Variants in MSANTD2 observed in about 807,000 individuals in gnomAD.
MSANTD2 encodes the protein myb/SANT-like DNA-binding domain-containing protein 2.
Under a neutral mutation model 52.6 loss-of-function variants are expected in MSANTD2, and 19 were observed. The observed-to-expected ratio is 0.36, with a 90% CI of 0.25 to 0.53. The LOEUF (loss-of-function observed/expected upper bound fraction) is 0.53, where lower values mean the gene tolerates loss of function less well. MSANTD2 is among the 20% of genes least tolerant of loss of function. The probability of loss-of-function intolerance (pLI) is 0.91; values close to 1 mark genes in which losing one functional copy is unlikely to be tolerated. For synonymous variants in MSANTD2, 291 were observed against 289.7 expected, an observed-to-expected ratio of 1.00 and a Z score of -0.04; for missense variants, 558 against 716.3, an observed-to-expected ratio of 0.78 and a Z score of 2.52.
chr11:124,774,648 G>A lies in MSANTD2; in HGVS notation c.766+71C>T. On this transcript the variant is annotated intron_variant, in intron 2 of 3. Coordinates refer to ENST00000374979, the MANE Select transcript of MSANTD2 (RefSeq NM_001308027.2). The surrounding 1 kb of genome is among the most constrained non-coding windows in gnomAD (Gnocchi z 5.1). ...TACCAAAGATATTTACAGGTAATAA[G>A]TACTGGTGCACATACATAAAGGTAT... 3 of 1,453,884 alleles carry A rather than the reference G, an allele frequency of 2.1e-6. No individual in the cohort carries two copies. Among genetic ancestry groups the A allele is most frequent in the Non-Finnish European group, 2.8e-6 (3 of 1,052,788 alleles). The allele number at this position is 1,453,884 out of a possible 1,614,324, so 90.1% of individuals were successfully genotyped here. A position where few individuals can be genotyped will look rare whatever the true frequency, so the allele number is the denominator to read the frequency against.
rs953207189 is a variant in MSANTD2 at position 124,800,138 on chromosome 11, G to C, written c.243C>G (p.Ser81=). Residue 81 remains serine (S), a synonymous_variant, in exon 1 of 4, where the codon TCC becomes TCG. Coordinates refer to ENST00000374979, the MANE Select transcript of MSANTD2 (RefSeq NM_001308027.2). The surrounding 1 kb of genome is among the most constrained non-coding windows in gnomAD (Gnocchi z 4.3). The stretch of plus-strand genomic sequence containing the variant: ...CGCCACCGCCGCCACCAGGGGAGAA[G>C]GAGACCGAGGACGAGGCGGCGCTGC... ...GGRSAASSSV[S]FSPGGGGGGA... is the part of the protein sequence containing the mutation. 6 of 1,479,668 alleles carry C rather than the reference G, an allele frequency of 4.1e-6. No homozygotes were observed. The highest frequency in any genetic ancestry group is 5.3e-6 in the Non-Finnish European group (6 of 1,123,754). 91.7% of individuals were successfully genotyped at this position (1,479,668 alleles called of 1,614,324 possible).
rs577110322 is a variant in MSANTD2, at chr11:124,799,863, C to G, written c.510+8G>C. ...TGGTTCGCTGCCCCAGGCCGGGCGG[C>G]CGGTTACCTTGATGCGCTCCCGGCA... On this transcript the variant is annotated splice_region_variant and intron_variant, in intron 1 of 3. Coordinates refer to ENST00000374979, the MANE Select transcript of MSANTD2 (RefSeq NM_001308027.2). 95 of 1,571,466 alleles carry G rather than the reference C, an allele frequency of 6.0e-5. No individual in the cohort carries two copies. Among genetic ancestry groups the G allele is most frequent in the South Asian group, 2.7e-4 (24 of 88,522 alleles).
At position 124,793,194 on chromosome 11, in the gene MSANTD2, T is replaced by C. The variant is rs375824024; in HGVS notation, c.510+6677A>G. Among the ~76,000 whole-genome samples, 84 of 152,342 alleles carry C rather than the reference T, an allele frequency of 5.5e-4. 1 individual carries two copies. The South Asian group carries it at 0.017, about 31-fold the overall frequency. ...AAAACAATATAGGCCAGTGATACTG[T>C]TTCTTTTAAATGTAACTTGAATATT... On this transcript the variant is annotated intron_variant, in intron 1 of 3. Coordinates refer to ENST00000374979, the MANE Select transcript of MSANTD2 (RefSeq NM_001308027.2).
At chr11:124,773,990 C>T (rs544897895) in intron 2 of MSANTD2, among the ~76,000 whole-genome samples, 5 of 152,274 alleles carry the variant, frequency 3.3e-5, no homozygotes, top group South Asian at 2.1e-4. Flanking sequence ...GCATGTAATG[C>T]GCAAAGAAAC....
At chr11:124,786,683 A>C (rs1044999940) in intron 1 of MSANTD2, among the ~76,000 whole-genome samples, 2 of 152,168 alleles carry the variant, frequency 1.3e-5, no homozygotes, top group Admixed American at 6.5e-5. Context: ...GGACTTCCAA[A>C]TCTCCTTGTG....
chr11:124,784,356 C>A (rs1591463556), intron 1 of MSANTD2: 1 of 985,154 alleles, frequency 1.0e-6, no homozygotes, highest in Non-Finnish European at 1.2e-6. Context: ...ATATCTAAAA[C>A]ACATGCAAGA....
chr11:124,776,714 C>T (rs954794507), intron 1 of MSANTD2, among the ~76,000 whole-genome samples: 2 of 152,172 alleles, frequency 1.3e-5, no homozygotes, highest in African/African-American at 4.8e-5. Flanking sequence ...AATAAAAGCA[C>T]GACATGTGTG....
At chr11:124,790,082 C>A (rs1945283695) in intron 1 of MSANTD2, 1 of 152,222 alleles carries the variant, frequency 6.6e-6, no homozygotes, top group Admixed American at 6.5e-5. Flanking sequence ...CCATAGAAAA[C>A]AACTGCTGGT....
At chr11:124,798,409 G>A (rs3016271) in intron 1 of MSANTD2, among the ~76,000 whole-genome samples, 4 of 151,700 alleles carry the variant, frequency 2.6e-5, no homozygotes, top group African/African-American at 9.7e-5. Context: ...CCTTAATGAC[G>A]TTGAATAGAA....
chr11:124,769,629 A>G (rs1055995764), intron 3 of MSANTD2, among the ~76,000 whole-genome samples: 5 of 152,242 alleles, frequency 3.3e-5, no homozygotes, highest in African/African-American at 4.8e-5. Context: ...ATTATGCTCA[A>G]TGAAGTATCC....
intron 1 of MSANTD2, among the ~76,000 whole-genome samples, chr11:124,799,451 C>A (rs528457113): frequency 1.6e-4 from 24 of 152,152 alleles, no homozygotes; most frequent in African/African-American, 5.3e-4. Flanking sequence ...GGCTCAATGC[C>A]CCCCCCTTCT....
chr11:124,796,731 G>A (rs1270523063), intron 1 of MSANTD2, among the ~76,000 whole-genome samples: 1 of 151,682 alleles, frequency 6.6e-6, no homozygotes, highest in Non-Finnish European at 1.5e-5. Flanking sequence ...GTCTGCGTAA[G>A]AAGTTCCTCC....
chr11:124,781,813 C>T (rs554134660), intron 1 of MSANTD2, among the ~76,000 whole-genome samples: 8 of 152,006 alleles, frequency 5.3e-5, no homozygotes, highest in South Asian at 2.1e-4. Flanking sequence ...CCACCACGCT[C>T]GGCTAATTTT....
At chr11:124,796,591 G>A (rs1286956476) in intron 1 of MSANTD2, among the ~76,000 whole-genome samples, 1 of 152,136 alleles carries the variant, frequency 6.6e-6, no homozygotes, top group Non-Finnish European at 1.5e-5. Flanking sequence ...GGACAACAGG[G>A]AAGCGCTACT....
chr11:124,791,733 G>C, intron 1 of MSANTD2: 1 of 776,134 alleles, frequency 1.3e-6, no homozygotes, highest in Non-Finnish European at 2.1e-6. Context: ...ACAGAGACTG[G>C]GGTGAAAAGG....
At chr11:124,768,086 G>C (rs1944369087) in intron 3 of MSANTD2, 58 bp from the exon 4 acceptor site, 2 of 1,498,932 alleles carry the variant, frequency 1.3e-6, no homozygotes, top group African/African-American at 1.4e-5. Context: ...GTGTCAGATA[G>C]AACTTTCTGT....
At chr11:124,791,234 A>G (rs1945323401) in intron 1 of MSANTD2, 1 of 1,415,480 alleles carries the variant, frequency 7.1e-7, no homozygotes. Flanking sequence ...TTGACCATCA[A>G]TGGGGTCACA....
chr11:124,791,574 G>C (rs1476201721), intron 1 of MSANTD2: 2 of 1,333,368 alleles, frequency 1.5e-6, no homozygotes, highest in Non-Finnish European at 2.1e-6. Flanking sequence ...ACCCTGAGCT[G>C]CCAGTCTCCG....
chr11:124,782,252 G>A (rs1945001726), intron 1 of MSANTD2, among the ~76,000 whole-genome samples: 1 of 150,910 alleles, frequency 6.6e-6, no homozygotes, highest in Admixed American at 6.6e-5. Context: ...GTCAAGACCA[G>A]CCTGGTCAAT....
Sources: allele counts gnomAD v4.1 joint callset (sites outside exome capture counted in the v4.1 genomes callset), GRCh38; gene constraint gnomAD v4.1.1; non-coding constraint Gnocchi (gnomAD v3.1); transcripts MANE v1.5; gene names NCBI Gene and HGNC (gene_info 2026-07-23, HGNC 2026-07-21).